NUBPL: variants seen among roughly 807,000 people sequenced by gnomAD.
NUBPL encodes NUBP iron-sulfur cluster assembly factor, mitochondrial.
NUBPL carries 31 observed loss-of-function variants against 45.7 expected under a neutral mutation model. That is an observed-to-expected ratio of 0.68 (90% confidence interval 0.51 to 0.92). NUBPL has a LOEUF of 0.92. NUBPL is among the 40% of genes least tolerant of loss of function. NUBPL has a pLI of 0.00. For missense variants in NUBPL, 401 were observed against 398.7 expected, an observed-to-expected ratio of 1.01 and a Z score of -0.05; for synonymous variants, 144 against 140.9, an observed-to-expected ratio of 1.02 and a Z score of -0.15.
chr14:31,640,292 A>T lies in NUBPL; in HGVS notation c.383-33063A>T, dbSNP rs114989231. The stretch of plus-strand genomic sequence containing the variant: ...TCTTTAATCTTATGCTTACCTAACC[A>T]CCATACTTATGAGACTTAAGAAACG... On this transcript the variant is annotated intron_variant, in intron 4 of 10. Transcript: ENST00000281081. 2.2e-3 allele frequency among the ~76,000 whole-genome samples: 332 copies of T among 151,864 alleles called. 3 individuals carry two copies. Among genetic ancestry groups the T allele is most frequent in the African/African-American group, 7.6e-3 (315 of 41,402 alleles).
In NUBPL at chr14:31,802,778, A is replaced by T. The variant is rs145512023; in HGVS notation, c.607+14905A>T. ...TTGATAATGAGGTGATGTCCTTTCTACCTGTCTAGGACCTTTCCTATCTGG... is the reference window on the plus strand; with the variant it reads ...TTGATAATGAGGTGATGTCCTTTCTTCCTGTCTAGGACCTTTCCTATCTGG... On this transcript the variant is annotated intron_variant, in intron 7 of 10. Coordinates refer to ENST00000281081, the MANE Select transcript of NUBPL (RefSeq NM_025152.3). Among the ~76,000 whole-genome samples the T allele has an allele frequency of 1.9e-3, 284 of 152,320 alleles. 1 individual carries two copies. Among genetic ancestry groups the T allele is most frequent in the African/African-American group, 6.5e-3 (270 of 41,572 alleles).
At chr14:31,602,344 C>G (rs555605218) in intron 4 of NUBPL, among the ~76,000 whole-genome samples, 6 of 147,968 alleles carry the variant, frequency 4.1e-5, no homozygotes, top group Non-Finnish European at 8.9e-5. Flanking sequence ...ACATATGTAA[C>G]TAACCTGCAC....
intron 4 of NUBPL, among the ~76,000 whole-genome samples, chr14:31,599,941 A>G (rs1486605763): frequency 6.1e-4 from 61 of 99,798 alleles, no homozygotes; most frequent in Admixed American, 1.9e-3. Flanking sequence ...TTTTTTTTTG[A>G]GACAGAGTCC....
chr14:31,844,699 T>C (rs1026498208), intron 8 of NUBPL: 69 of 152,266 alleles, frequency 4.5e-4, no homozygotes, highest in African/African-American at 1.6e-3. Context: ...AGTACTGTTC[T>C]TCATTTAAAA....
intron 4 of NUBPL, among the ~76,000 whole-genome samples, chr14:31,637,187 T>C (rs1452853494): frequency 6.6e-6 from 1 of 152,162 alleles, no homozygotes; most frequent in Non-Finnish European, 1.5e-5. Flanking sequence ...TGTTAGGGTG[T>C]CAATTTTGGA....
At chr14:31,729,857 T>C (rs72676908) in intron 6 of NUBPL, among the ~76,000 whole-genome samples, 1,902 of 152,306 alleles carry the variant, frequency 0.012, 6 homozygotes, top group Non-Finnish European at 0.02. Context: ...CCTTTTCTTA[T>C]TGCATTATCT....
intron 6 of NUBPL, among the ~76,000 whole-genome samples, chr14:31,695,433 G>C (rs933293093): frequency 3.3e-5 from 5 of 150,178 alleles, no homozygotes; most frequent in Admixed American, 6.7e-5. Flanking sequence ...ACTGTTCCCA[G>C]TTTCCCACTC....
At chr14:31,587,480 A>G (rs764925315) in intron 3 of NUBPL, among the ~76,000 whole-genome samples, 18 of 152,226 alleles carry the variant, frequency 1.2e-4, no homozygotes, top group African/African-American at 2.2e-4. Flanking sequence ...GGCTATTATT[A>G]TGTGTTAGCT....
At chr14:31,826,769 C>A in intron 8 of NUBPL, 55 bp downstream of exon 8, 1 of 1,467,472 alleles carries the variant, frequency 6.8e-7, no homozygotes, top group South Asian at 1.1e-5. Flanking sequence ...ACTGAAGAAG[C>A]AAGTCATTGA....
chr14:31,645,576 C>A (rs1286060386), intron 4 of NUBPL, among the ~76,000 whole-genome samples: 1 of 151,968 alleles, frequency 6.6e-6, no homozygotes, highest in African/African-American at 2.4e-5. Context: ...GTGGTTAACC[C>A]TGAGTTTTCT....
intron 6 of NUBPL, among the ~76,000 whole-genome samples, chr14:31,780,433 A>G (rs1380064009): frequency 6.6e-6 from 1 of 152,162 alleles, no homozygotes; most frequent in Non-Finnish European, 1.5e-5. Flanking sequence ...AATGGTTTCT[A>G]AATTTTGTAG....
intron 6 of NUBPL, among the ~76,000 whole-genome samples, chr14:31,758,452 C>A (rs1288660145): frequency 1.3e-5 from 2 of 152,078 alleles, no homozygotes; most frequent in Non-Finnish European, 2.9e-5. Context: ...GTAGAAAATT[C>A]ACAAAATGTC....
chr14:31,734,052 T>A (rs2038111217), intron 6 of NUBPL, among the ~76,000 whole-genome samples: 1 of 152,248 alleles, frequency 6.6e-6, no homozygotes, highest in South Asian at 2.1e-4. Flanking sequence ...ATTCTGCTAA[T>A]GTGATAAATT....
chr14:31,640,511 A>C (rs955774750), intron 4 of NUBPL, among the ~76,000 whole-genome samples: 2 of 151,372 alleles, frequency 1.3e-5, no homozygotes, highest in Non-Finnish European at 1.5e-5. Flanking sequence ...GCTACTCAGG[A>C]GGCTGAGGCA....
intron 6 of NUBPL, among the ~76,000 whole-genome samples, chr14:31,702,388 AC>A (rs1428874313): frequency 6.6e-6 from 1 of 152,126 alleles, no homozygotes; most frequent in East Asian, 1.9e-4. Flanking sequence ...TCCAGTCATG[AC>A]CCAAAGCCCC....
intron 3 of NUBPL, among the ~76,000 whole-genome samples, chr14:31,578,402 G>A (rs4981856): frequency 1 from 152,040 of 152,354 alleles, 75,864 homozygotes; most frequent in Middle Eastern, 1. Flanking sequence ...AATATTTCAC[G>A]TGACAGATTT....
chr14:31,614,037 A>T (rs977668138), intron 4 of NUBPL, among the ~76,000 whole-genome samples: 1 of 152,110 alleles, frequency 6.6e-6, no homozygotes, highest in South Asian at 2.1e-4. Context: ...AAAATTTGGT[A>T]GTATCAAAGT....
chr14:31,580,350 C>T (rs2033828922), intron 3 of NUBPL, among the ~76,000 whole-genome samples: 1 of 152,188 alleles, frequency 6.6e-6, no homozygotes, highest in African/African-American at 2.4e-5. Context: ...GGTCTGGGTG[C>T]TGTGGCTCAT....
intron 6 of NUBPL, among the ~76,000 whole-genome samples, chr14:31,701,981 C>T (rs897819493): frequency 7.2e-5 from 11 of 152,306 alleles, no homozygotes; most frequent in Middle Eastern, 3.4e-3. Context: ...GCATAGTCCC[C>T]ATGAGACTGC....
Sources: allele counts gnomAD v4.1 joint callset (sites outside exome capture counted in the v4.1 genomes callset), GRCh38; gene constraint gnomAD v4.1.1; transcripts MANE v1.5; gene names NCBI Gene and HGNC (gene_info 2026-07-23, HGNC 2026-07-21).